PLBD2: variants seen among roughly 807,000 people sequenced by gnomAD.
PLBD2 encodes the protein putative aminopeptidase PLBD2.
Under a neutral mutation model 68.3 loss-of-function variants are expected in PLBD2, and 51 were observed. That is an observed-to-expected ratio of 0.75 (90% CI 0.60 to 0.94). The LOEUF (loss-of-function observed/expected upper bound fraction) is 0.94. Among genes scored for constraint, PLBD2 ranks in the 40% least tolerant of loss-of-function variants. The probability of loss-of-function intolerance (pLI) is 0.00; values close to 1 mark genes in which losing one functional copy is unlikely to be tolerated. For missense variants in PLBD2, 729 were observed against 792.2 expected, an observed-to-expected ratio of 0.92 and a Z score of 0.96; for synonymous variants, 314 against 339.3, an observed-to-expected ratio of 0.93 and a Z score of 0.82.
chr12:113,388,499 C>G lies in PLBD2; in HGVS notation c.1643C>G (p.Ala548Gly), dbSNP rs145714005. Residue 548 changes from alanine to glycine, a missense_variant, in exon 12 of 12, where the codon GCG (alanine) becomes GGG (glycine). By Grantham distance (60) the Ala-to-Gly change is moderately conservative (BLOSUM62 0). Transcript: ENST00000280800. ...MSLARILSLL[A>G]ASGPTWDQVP... Reference sequence around the variant, plus strand: ...CTGGCCAGGATCCTGAGCCTGCTGGCGGCCAGCGGTCCCACGTGGGACCAG... The same window carrying G: ...CTGGCCAGGATCCTGAGCCTGCTGGGGGCCAGCGGTCCCACGTGGGACCAG... 1 of 1,605,066 alleles carries G rather than the reference C, an allele frequency of 6.2e-7. No individual in the cohort carries two copies. The highest frequency in any genetic ancestry group is 8.5e-7 in the Non-Finnish European group (1 of 1,178,012).
At chr12:113,366,317 C>T (rs1957341680) in intron 1 of PLBD2, among the ~76,000 whole-genome samples, 1 of 150,854 alleles carries the variant, frequency 6.6e-6, no homozygotes, top group Non-Finnish European at 1.5e-5. Context: ...AATGCTTCCC[C>T]CCGCTAGTTA....
chr12:113,367,335 G>T (rs1413273789), intron 1 of PLBD2, among the ~76,000 whole-genome samples: 1 of 152,226 alleles, frequency 6.6e-6, no homozygotes, highest in Non-Finnish European at 1.5e-5. Flanking sequence ...AGATGAAAAA[G>T]TTTGCTAGTA....
rs1454403213 is a variant in PLBD2, at chr12:113,387,021, C to A, written c.1371C>A (p.Pro457=). Residue 457 remains proline (P), a synonymous_variant, in exon 10 of 12, where the codon CCC becomes CCA. Coordinates refer to ENST00000280800, the MANE Select transcript of PLBD2 (RefSeq NM_173542.4). ...ACTGGTTTTCTTATGACGGGAGCCC[C>A]CGGGCCCAGATCTTCCGGCGGAACC... ...YGDWFSYDGS[P]RAQIFRRNQS... The A allele has an allele frequency of 6.2e-7, 1 of 1,612,278 alleles. No homozygotes were observed. Among genetic ancestry groups the A allele is most frequent in the African/African-American group, 1.3e-5 (1 of 74,864 alleles).
chr12:113,371,285 A>G (rs1039400886), intron 2 of PLBD2, among the ~76,000 whole-genome samples: 32 of 152,164 alleles, frequency 2.1e-4, no homozygotes, highest in Non-Finnish European at 4.6e-4. Flanking sequence ...AGCAGTCCCA[A>G]AGTGGGAGTC....
At position 113,369,068 on chromosome 12, in the gene PLBD2, A is replaced by C. The variant is rs375908467; in HGVS notation, c.291-48A>C. ...TTAAGCCTGGAGATGCCATGTGTCT[A>C]GCTGGGGGCCTCTGCTGCTGACTGA... On this transcript the variant is annotated intron_variant, in intron 1 of 11. Coordinates refer to ENST00000280800, the MANE Select transcript of PLBD2 (RefSeq NM_173542.4). 8 of 1,351,474 alleles carry C rather than the reference A, an allele frequency of 5.9e-6. No individual in the cohort carries two copies. The East Asian group carries it at 7.5e-5, about 13-fold the overall frequency. 83.7% of individuals were successfully genotyped at this position (1,351,474 alleles called of 1,614,324 possible).
chr12:113,386,505 C>T (rs1178638695), intron 9 of PLBD2, among the ~76,000 whole-genome samples: 1 of 149,442 alleles, frequency 6.7e-6, no homozygotes, highest in Admixed American at 6.6e-5. Flanking sequence ...AGGCACGTGC[C>T]ACCACGCCGG....
rs1203455480 is a variant in PLBD2, at chr12:113,372,549, C to T, written c.385-100C>T. Reference sequence around the variant, plus strand: ...GCATGAGCAAGGACTCAGGTGGCCACACCAGCAGCCTCCGCTCTGGGGCAG... The same window carrying T: ...GCATGAGCAAGGACTCAGGTGGCCATACCAGCAGCCTCCGCTCTGGGGCAG... On this transcript the variant is annotated intron_variant, in intron 2 of 11. Coordinates refer to ENST00000280800, the MANE Select transcript of PLBD2 (RefSeq NM_173542.4). The surrounding 1 kb of genome is among the most constrained non-coding windows in gnomAD (Gnocchi z 4.2). 14 of 1,340,076 alleles carry T rather than the reference C, an allele frequency of 1.0e-5. No individual in the cohort carries two copies. The highest frequency in any genetic ancestry group is 1.4e-5 in the Non-Finnish European group (14 of 968,752). The allele number at this position is 1,340,076 out of a possible 1,614,324, so 83.0% of individuals were successfully genotyped here. A position where few individuals can be genotyped will look rare whatever the true frequency, so the allele number is the denominator to read the frequency against.
At chr12:113,365,176 C>T (rs1391381382) in intron 1 of PLBD2, among the ~76,000 whole-genome samples, 1 of 152,198 alleles carries the variant, frequency 6.6e-6, no homozygotes, top group Non-Finnish European at 1.5e-5. Flanking sequence ...GCAGAGCATT[C>T]ACTCAAGAAT....
intron 1 of PLBD2, among the ~76,000 whole-genome samples, chr12:113,362,153 T>G (rs987778809): frequency 6.6e-6 from 1 of 151,988 alleles, no homozygotes; most frequent in African/African-American, 2.4e-5. Context: ...CGAGACCAGC[T>G]TGGGCAATGT....
At chr12:113,374,453 T>A in intron 3 of PLBD2, 21 bp from the exon 4 acceptor site, 1 of 1,505,250 alleles carries the variant, frequency 6.6e-7, no homozygotes, top group Non-Finnish European at 9.1e-7. Flanking sequence ...ACCCTCCCTC[T>A]GCCCCCGCCC....
Position 113,387,047 on chromosome 12 carries a change from A to G in PLBD2, c.1397A>G (p.Gln466Arg). 1 of 1,610,584 alleles carries G rather than the reference A, an allele frequency of 6.2e-7. No individual in the cohort carries two copies. The highest frequency in any genetic ancestry group is 8.5e-7 in the Non-Finnish European group (1 of 1,178,600). ...CGGGCCCAGATCTTCCGGCGGAACCAGTCACTGGTACAAGACATGGACTCC... is the reference window on the plus strand; with the variant it reads ...CGGGCCCAGATCTTCCGGCGGAACCGGTCACTGGTACAAGACATGGACTCC... ...SPRAQIFRRN[Q>R]SLVQDMDSMV... Residue 466 changes from glutamine (Q) to arginine (R), a missense_variant, in exon 10 of 12, where the codon CAG (glutamine) becomes CGG (arginine). By Grantham distance (43) the Gln-to-Arg change is conservative. Transcript: ENST00000280800.
intron 6 of PLBD2, among the ~76,000 whole-genome samples, chr12:113,383,417 G>GGAACA (rs1488954598): frequency 6.6e-6 from 1 of 152,034 alleles, no homozygotes; most frequent in Non-Finnish European, 1.5e-5. Context: ...GAACTGGTGG[G>GGAACA]GAACACGTGC....
At position 113,384,820 on chromosome 12, in the gene PLBD2, C is replaced by G; in HGVS notation, c.1119-31C>G. The G allele has an allele frequency of 1.3e-6, 2 of 1,592,504 alleles. No individual in the cohort carries two copies. The highest frequency in any genetic ancestry group is 2.7e-5 in the African/African-American group (2 of 74,586). On this transcript the variant is annotated intron_variant, in intron 7 of 11. Coordinates refer to ENST00000280800, the MANE Select transcript of PLBD2 (RefSeq NM_173542.4). The surrounding 1 kb of genome is among the most constrained non-coding windows in gnomAD (Gnocchi z 4.2). ...AAAGCTGGGGAGGTGGCTCCAGGCT[C>G]TGTTCAGTCCTCCCTTCCCCTGCCC... is the stretch of plus-strand genomic sequence containing the variant.
intron 9 of PLBD2, among the ~76,000 whole-genome samples, chr12:113,385,527 G>T (rs1023789573): frequency 3.3e-5 from 5 of 152,154 alleles, no homozygotes; most frequent in Non-Finnish European, 2.9e-5. Flanking sequence ...TCAGGGACTG[G>T]CCCCTGCCAG....
At chr12:113,375,227 C>A in intron 5 of PLBD2, 1 of 560,770 alleles carries the variant, frequency 1.8e-6, no homozygotes, top group Non-Finnish European at 3.2e-6. Flanking sequence ...CTCACTGTAG[C>A]CTTGACTTCC....
chr12:113,382,859 GTGTGTGTGTTTT>G (rs979260586), intron 6 of PLBD2, among the ~76,000 whole-genome samples: 3 of 130,866 alleles, frequency 2.3e-5, no homozygotes, highest in African/African-American at 9.0e-5. Context: ...GTGTGTGTGT[GTGTGTGTGTTTT>G]TTTTTTTTTT....
chr12:113,375,076 G>A, intron 5 of PLBD2, 69 bp downstream of exon 5: 1 of 1,455,244 alleles, frequency 6.9e-7, no homozygotes, highest in South Asian at 1.2e-5. Flanking sequence ...GTGGTCCTAG[G>A]AGGTTTGGGC....
chr12:113,362,047 T>C (rs1193939259), intron 1 of PLBD2, among the ~76,000 whole-genome samples: 2 of 151,998 alleles, frequency 1.3e-5, no homozygotes, highest in Non-Finnish European at 1.5e-5. Context: ...ATCTATACCA[T>C]CAAGAATGAG....
At chr12:113,386,265 T>TGCAACCTCTGCTTCCC (rs1957551205) in intron 9 of PLBD2, among the ~76,000 whole-genome samples, 1 of 152,248 alleles carries the variant, frequency 6.6e-6, no homozygotes, top group Non-Finnish European at 1.5e-5. Context: ...CTCAGCTTGC[T>TGCAACCTCTGCTTCCC]GCAACCTCTG....
Sources: allele counts gnomAD v4.1 joint callset (sites outside exome capture counted in the v4.1 genomes callset), GRCh38; gene constraint gnomAD v4.1.1; non-coding constraint Gnocchi (gnomAD v3.1); transcripts MANE v1.5; gene names NCBI Gene and HGNC (gene_info 2026-07-23, HGNC 2026-07-21).